ARGLU1: variants seen among roughly 807,000 people sequenced by gnomAD.
ARGLU1 encodes arginine and glutamate rich 1, also known as arginine and glutamate-rich protein 1.
Under a neutral mutation model 37.6 loss-of-function variants are expected in ARGLU1, and 9 were observed. The ratio of observed to expected loss-of-function variants is 0.24; its 90% CI spans 0.14 to 0.42. ARGLU1 has a LOEUF of 0.42. ARGLU1 is among the 10% of genes least tolerant of loss of function. The pLI, the probability that ARGLU1 is intolerant of heterozygous loss-of-function variation, is 1.00. For synonymous variants in ARGLU1, 166 were observed against 138.5 expected (o/e 1.20, Z -1.39); for missense variants, 211 against 359.2 (o/e 0.59, Z 3.34).
At chr13:106,559,272 A>C in intron 2 of ARGLU1, 160 bp downstream of exon 2, 1 of 1,535,788 alleles carries the variant, frequency 6.5e-7, no homozygotes, top group South Asian at 1.2e-5. Flanking sequence ...AGCACTTCTG[A>C]ATAGGCTAAA....
rs1485699339 is a variant in ARGLU1 at position 106,542,114 on chromosome 13, T to G, written c.*1882A>C. On this transcript the variant is annotated 3_prime_UTR_variant, in exon 4 of 4. Transcript: ENST00000400198. ...ACTTACTGTCACTTCACACCATATG[T>G]GGCAGTAAGAAACTTAAAAAAAAAA... 6.6e-6 allele frequency: 1 copy of G among 152,060 alleles called. No homozygotes were observed. Among genetic ancestry groups the G allele is most frequent in the Non-Finnish European group, 1.5e-5 (1 of 68,002 alleles). The allele number at this position is 152,060 out of a possible 1,614,324, so 9.4% of individuals were successfully genotyped here.
rs779200105 is a variant in ARGLU1, at chr13:106,559,528, T to G, written c.477A>C (p.Arg159=). 6.2e-7 allele frequency: 1 copy of G among 1,614,226 alleles called. No individual in the cohort carries two copies. The change falls in exon 2 of 4, where the codon CGA becomes CGC. Residue 159 remains arginine (R), a synonymous_variant. Coordinates refer to ENST00000400198, the MANE Select transcript of ARGLU1 (RefSeq NM_018011.4). ...RKDEIEREVL[R]RVEEAKRIME... ...TGATGCGTTTGGCTTCCTCCACCCTTCGGAGAACTTCTCGTTCAATTTCAT... is the reference window on the plus strand; with the variant it reads ...TGATGCGTTTGGCTTCCTCCACCCTGCGGAGAACTTCTCGTTCAATTTCAT...
At chr13:106,564,853 T>C (rs1880917395) in intron 1 of ARGLU1, among the ~76,000 whole-genome samples, 1 of 152,202 alleles carries the variant, frequency 6.6e-6, no homozygotes, top group African/African-American at 2.4e-5. Flanking sequence ...ATCCACTATT[T>C]AAAAAGTTTC....
intron 3 of ARGLU1, among the ~76,000 whole-genome samples, chr13:106,550,731 T>G (rs1880511666): frequency 6.6e-6 from 1 of 152,200 alleles, no homozygotes; most frequent in East Asian, 1.9e-4. Flanking sequence ...CCAGAGGTTC[T>G]ATGGGAGAAT....
At chr13:106,566,287 C>T (rs1014342724) in intron 1 of ARGLU1, among the ~76,000 whole-genome samples, 8 of 152,196 alleles carry the variant, frequency 5.3e-5, no homozygotes, top group African/African-American at 1.9e-4. Flanking sequence ...TGCTCCAGTC[C>T]TACCTTTTAG....
chr13:106,555,851 A>G (rs1385748347), intron 3 of ARGLU1, among the ~76,000 whole-genome samples: 2 of 152,076 alleles, frequency 1.3e-5, no homozygotes, highest in East Asian at 3.9e-4. Flanking sequence ...CAGCTATCCA[A>G]TCTCTTTAAC....
At chr13:106,544,452 C>T (rs1045519042) in intron 3 of ARGLU1, among the ~76,000 whole-genome samples, 1 of 152,106 alleles carries the variant, frequency 6.6e-6, no homozygotes, top group Non-Finnish European at 1.5e-5. Context: ...ATTACATCTA[C>T]ATTTTCTGTC....
At chr13:106,565,730 C>T (rs1301694789) in intron 1 of ARGLU1, among the ~76,000 whole-genome samples, 3 of 152,140 alleles carry the variant, frequency 2.0e-5, no homozygotes, top group Admixed American at 2.0e-4. Flanking sequence ...GCCTATTGTA[C>T]GGCACCCAGG....
intron 3 of ARGLU1, among the ~76,000 whole-genome samples, chr13:106,545,613 T>C (rs1880368471): frequency 6.6e-6 from 1 of 152,194 alleles, no homozygotes; most frequent in African/African-American, 2.4e-5. Flanking sequence ...CAGGCATTTA[T>C]GGCAGAGGAA....
chr13:106,548,584 C>T (rs1405673957), intron 3 of ARGLU1, among the ~76,000 whole-genome samples: 1 of 152,136 alleles, frequency 6.6e-6, no homozygotes, highest in African/African-American at 2.4e-5. Flanking sequence ...GGGGCAGACC[C>T]TCCTAGCCAT....
chr13:106,552,945 A>G (rs1466223150), intron 3 of ARGLU1, among the ~76,000 whole-genome samples: 1 of 152,256 alleles, frequency 6.6e-6, no homozygotes, highest in African/African-American at 2.4e-5. Context: ...CCCATGGATT[A>G]GAGCACTTAA....
At chr13:106,559,987 G>T (rs1454169793) in intron 1 of ARGLU1, among the ~76,000 whole-genome samples, 2 of 152,172 alleles carry the variant, frequency 1.3e-5, no homozygotes, top group African/African-American at 4.8e-5. Context: ...ATAATCAGAG[G>T]ACAAGTTGTT....
At chr13:106,556,338 T>A (rs1007123316) in intron 3 of ARGLU1, among the ~76,000 whole-genome samples, 2 of 152,124 alleles carry the variant, frequency 1.3e-5, no homozygotes, top group African/African-American at 4.8e-5. Context: ...TTATCCAGAG[T>A]ACTCTATTTT....
intron 3 of ARGLU1, among the ~76,000 whole-genome samples, chr13:106,554,704 C>A (rs1447866431): frequency 1.3e-5 from 2 of 151,370 alleles, no homozygotes; most frequent in Non-Finnish European, 2.9e-5. Flanking sequence ...GGCCAACATA[C>A]TGAAACCCCG....
rs770427113 is a variant in ARGLU1 at position 106,559,615 on chromosome 13, T to C, written c.390A>G (p.Thr130=). 1.2e-6 allele frequency: 2 copies of C among 1,614,124 alleles called. No individual in the cohort carries two copies. The highest frequency in any genetic ancestry group is 1.1e-5 in the South Asian group (1 of 91,060). The change falls in exon 2 of 4, where the codon ACA becomes ACG. Residue 130 remains threonine, a synonymous_variant. Coordinates refer to ENST00000400198, the MANE Select transcript of ARGLU1 (RefSeq NM_018011.4). ...EIEEKLIEEE[T]ARRVEELVAK... ...CTACCAATTCTTCTACTCTTCGTGC[T>C]GTTTCTTCCTCGATGAGTTTTTCTT...
intron 1 of ARGLU1, 65 bp from the exon 2 acceptor site, chr13:106,559,722 C>T: frequency 6.6e-7 from 1 of 1,513,352 alleles, no homozygotes; most frequent in Middle Eastern, 1.8e-4. Flanking sequence ...TTAAACAAAA[C>T]TAGTTTTAAG....
At chr13:106,546,910 T>C (rs993702505) in intron 3 of ARGLU1, among the ~76,000 whole-genome samples, 15 of 152,188 alleles carry the variant, frequency 9.9e-5, no homozygotes, top group African/African-American at 9.6e-5. Flanking sequence ...CAAAGGTCGC[T>C]GTTAGAATTA....
chr13:106,563,328 C>T (rs1274338559), intron 1 of ARGLU1, among the ~76,000 whole-genome samples: 2 of 152,128 alleles, frequency 1.3e-5, no homozygotes, highest in African/African-American at 4.8e-5. Flanking sequence ...AAACTAAGAA[C>T]AAGGAGCTGA....
intron 3 of ARGLU1, among the ~76,000 whole-genome samples, chr13:106,552,370 T>C (rs987833592): frequency 1.3e-5 from 2 of 152,188 alleles, no homozygotes; most frequent in Non-Finnish European, 2.9e-5. Context: ...GTCCTTCCTT[T>C]GACCAGTATG....
Sources: allele counts gnomAD v4.1 joint callset (sites outside exome capture counted in the v4.1 genomes callset), GRCh38; gene constraint gnomAD v4.1.1; transcripts MANE v1.5; gene names NCBI Gene and HGNC (gene_info 2026-07-23, HGNC 2026-07-21).